Variants in PTPRD observed in about 807,000 individuals in gnomAD.
The protein encoded by PTPRD is receptor-type tyrosine-protein phosphatase delta.
A neutral mutation model predicts 214.5 loss-of-function variants in PTPRD; 34 were observed. That is an observed-to-expected ratio of 0.16 (90% CI 0.12 to 0.21). The LOEUF is 0.21. Ranked by LOEUF, PTPRD falls within the 10% of genes least tolerant of loss-of-function variation. The probability of loss-of-function intolerance (pLI) is 1.00; values close to 1 mark genes in which losing one functional copy is unlikely to be tolerated. For synonymous variants in PTPRD, 1,128 were observed against 845.7 expected (o/e 1.33, Z -5.79); for missense variants, 2,545 against 2,398.7 (o/e 1.06, Z -1.27).
At position 9,629,238 on chromosome 9, in the gene PTPRD, G is replaced by GTATATATATATA. The variant is rs113482595; in HGVS notation, c.-286-54469_-286-54458dup. ...TGGGGAGATATATATGTGTGTGTGT[G>GTATATATATATA]TATATATATATATATATATGAACAC... is the stretch of plus-strand genomic sequence containing the variant. On this transcript the variant is annotated intron_variant, in intron 7 of 45. Coordinates refer to ENST00000381196, the MANE Select transcript of PTPRD (RefSeq NM_002839.4). Among the ~76,000 whole-genome samples the GTATATATATATA allele has an allele frequency of 2.1e-4, 29 of 140,394 alleles. 1 individual carries two copies. Among genetic ancestry groups the GTATATATATATA allele is most frequent in the African/African-American group, 7.3e-4 (26 of 35,554 alleles). The allele number at this position is 140,394 out of a possible 152,430, so 92.1% of individuals were successfully genotyped here. A position where few individuals can be genotyped will look rare whatever the true frequency, so the allele number is the denominator to read the frequency against.
intron 11 of PTPRD, among the ~76,000 whole-genome samples, chr9:8,940,300 T>TTTTTTC (rs2099024700): frequency 2.1e-5 from 3 of 140,338 alleles, no homozygotes; most frequent in Non-Finnish European, 4.5e-5. Flanking sequence ...TTTTTTTTTT[T>TTTTTTC]GAGATGGAGT....
chr9:9,564,746 C>G (rs1224706345), intron 8 of PTPRD, among the ~76,000 whole-genome samples: 1 of 151,900 alleles, frequency 6.6e-6, no homozygotes, highest in Non-Finnish European at 1.5e-5. Context: ...ATTGTTTTTC[C>G]TAACTCTAGT....
At chr9:10,390,450 C>A (rs1395583941) in intron 2 of PTPRD, among the ~76,000 whole-genome samples, 1 of 151,788 alleles carries the variant, frequency 6.6e-6, no homozygotes, top group South Asian at 2.1e-4. Flanking sequence ...AAATGCAATT[C>A]TTCAGAGAAA....
chr9:10,331,660 C>A (rs1017670449), intron 3 of PTPRD, among the ~76,000 whole-genome samples: 2 of 151,674 alleles, frequency 1.3e-5, no homozygotes, highest in Non-Finnish European at 2.9e-5. Flanking sequence ...GCTTGTTAGT[C>A]CAAATTGAGT....
At chr9:8,500,647 T>C (rs967964837) in intron 24 of PTPRD, 107 bp downstream of exon 24, 2 of 924,884 alleles carry the variant, frequency 2.2e-6, no homozygotes, top group Non-Finnish European at 2.9e-6. Context: ...ACAGCAATGC[T>C]GGGTAAAAAG....
intron 11 of PTPRD, among the ~76,000 whole-genome samples, chr9:8,886,791 G>A (rs1468032342): frequency 6.6e-6 from 1 of 152,144 alleles, no homozygotes; most frequent in Non-Finnish European, 1.5e-5. Context: ...TGTGCTGGTG[G>A]TTAAAAAATG....
chr9:8,321,515 ATATATATATAT>A (rs1828018621), intron 44 of PTPRD, among the ~76,000 whole-genome samples: 2 of 130,230 alleles, frequency 1.5e-5, no homozygotes, highest in South Asian at 2.4e-4. Flanking sequence ...ATATATATAT[ATATATATATAT>A]AAAAGGTATA....
intron 8 of PTPRD, among the ~76,000 whole-genome samples, chr9:9,476,846 C>G (rs568628863): frequency 2.4e-4 from 37 of 152,086 alleles, no homozygotes; most frequent in Admixed American, 3.9e-4. Flanking sequence ...AGTGATTCTC[C>G]TGCCTCAGAC....
intron 5 of PTPRD, among the ~76,000 whole-genome samples, chr9:9,865,778 T>C (rs191733019): frequency 1.2e-3 from 182 of 152,330 alleles, no homozygotes; most frequent in African/African-American, 4.1e-3. Flanking sequence ...GGGTATTTAT[T>C]ATAACATGTG....
At chr9:8,340,871 G>T (rs1220080553) in intron 41 of PTPRD, among the ~76,000 whole-genome samples, 1 of 151,996 alleles carries the variant, frequency 6.6e-6, no homozygotes, top group Non-Finnish European at 1.5e-5. Flanking sequence ...TATCCAATTG[G>T]CTTATGAAAG....
At chr9:10,243,236 G>T (rs1023452920) in intron 3 of PTPRD, among the ~76,000 whole-genome samples, 3 of 151,914 alleles carry the variant, frequency 2.0e-5, no homozygotes, top group African/African-American at 7.2e-5. Context: ...CTTTTATTAT[G>T]AAAACTGAAT....
chr9:8,409,503 G>T (rs998338327), intron 35 of PTPRD, among the ~76,000 whole-genome samples: 5 of 152,160 alleles, frequency 3.3e-5, no homozygotes, highest in African/African-American at 1.2e-4. Flanking sequence ...CTCCAAACAA[G>T]AGAGTGATCA....
intron 14 of PTPRD, among the ~76,000 whole-genome samples, chr9:8,622,992 C>CAA (rs142765085): frequency 1.2e-4 from 18 of 145,030 alleles, no homozygotes; most frequent in South Asian, 2.2e-4. Context: ...TTACAAAATA[C>CAA]AAAAAAAAAA....
At chr9:10,489,674 C>T (rs902889169) in intron 2 of PTPRD, among the ~76,000 whole-genome samples, 3 of 152,094 alleles carry the variant, frequency 2.0e-5, no homozygotes, top group African/African-American at 4.8e-5. Flanking sequence ...TCCTCAAGTT[C>T]GGACCACTGG....
intron 3 of PTPRD, among the ~76,000 whole-genome samples, chr9:10,039,090 G>C (rs2097249189): frequency 6.6e-6 from 1 of 151,902 alleles, no homozygotes; most frequent in South Asian, 2.1e-4. Context: ...CATGTACGTA[G>C]GTTTGTTGTT....
intron 3 of PTPRD, among the ~76,000 whole-genome samples, chr9:10,053,990 C>T (rs968372144): frequency 9.9e-5 from 15 of 152,090 alleles, no homozygotes; most frequent in Non-Finnish European, 8.8e-5. Context: ...AACTCCTGAC[C>T]TCAAGTGATA....
chr9:10,050,694 G>C (rs144010911), intron 3 of PTPRD, among the ~76,000 whole-genome samples: 1 of 148,126 alleles, frequency 6.8e-6, no homozygotes, highest in African/African-American at 2.5e-5. Context: ...TTCAGTAAAT[G>C]ATTATCTAAT....
intron 3 of PTPRD, among the ~76,000 whole-genome samples, chr9:10,186,970 A>T (rs2099335172): frequency 1.3e-5 from 2 of 152,178 alleles, no homozygotes; most frequent in Non-Finnish European, 1.5e-5. Context: ...CACTCATCAT[A>T]CCAGGAGAGA....
chr9:9,546,094 C>A (rs1260035191), intron 8 of PTPRD, among the ~76,000 whole-genome samples: 1 of 151,374 alleles, frequency 6.6e-6, no homozygotes, highest in Non-Finnish European at 1.5e-5. Flanking sequence ...TTGTTTATTT[C>A]TGGTATATAG....
Sources: gnomAD v4.1 joint callset for allele counts (sites outside exome capture counted in the v4.1 genomes callset) on GRCh38, gnomAD v4.1.1 for gene constraint, MANE v1.5 for transcripts, NCBI Gene and HGNC (gene_info 2026-07-23, HGNC 2026-07-21) for gene names.